Variants in SMARCA4 observed in about 807,000 individuals in gnomAD.
The protein encoded by SMARCA4 is SWI/SNF related BAF chromatin remodeling complex subunit ATPase 4.
Under a neutral mutation model 193.9 loss-of-function variants are expected in SMARCA4, and 31 were observed. The observed-to-expected ratio is 0.16, with a 90% CI of 0.12 to 0.22. SMARCA4 has a LOEUF of 0.22. SMARCA4 is among the 10% of genes least tolerant of loss of function. The pLI is 1.00. For synonymous variants in SMARCA4, 942 were observed against 933.1 expected, an observed-to-expected ratio of 1.01 and a Z score of -0.17; for missense variants, 1,148 against 2,296.0, an observed-to-expected ratio of 0.50 and a Z score of 10.22.
At chr19:10,965,271 T>C (rs1169034776) in intron 1 of SMARCA4, 2 of 152,118 alleles carry the variant, frequency 1.3e-5, no homozygotes, top group Non-Finnish European at 2.9e-5. Context: ...CACACCCCAC[T>C]CTTGACTTGC....
intron 1 of SMARCA4, among the ~76,000 whole-genome samples, chr19:10,963,628 G>A (rs1379898132): frequency 2.0e-5 from 3 of 152,080 alleles, no homozygotes; most frequent in Non-Finnish European, 4.4e-5. Flanking sequence ...CAAGCGAGGC[G>A]CTTAGCAGTA....
At chr19:11,010,678 C>A in intron 15 of SMARCA4, 147 bp downstream of exon 15, 1 of 800,190 alleles carries the variant, frequency 1.2e-6, no homozygotes, top group Non-Finnish European at 2.1e-6. Flanking sequence ...GCCTCGGTTT[C>A]CCCATGTGTA....
rs2075163712 is a variant in SMARCA4 at position 11,034,796 on chromosome 19, C to T, written c.3952-118C>T. 5.4e-6 allele frequency: 4 copies of T among 742,286 alleles called. No homozygotes were observed. In the Admixed American group the frequency reaches 8.0e-5, roughly 15 times the overall value. 46.0% of individuals were successfully genotyped at this position (742,286 alleles called of 1,614,324 possible). ...ATCGAGAGCTACTGTTTAACTCTCG[C>T]AGCAGCGTGGAGCCCCACGGGCAGA... is the stretch of plus-strand genomic sequence containing the variant. On this transcript the variant is annotated intron_variant, in intron 28 of 34. Transcript: ENST00000344626. This position sits in a 1 kb window ranked among gnomAD's most constrained non-coding sequence, Gnocchi z 7.0.
intron 23 of SMARCA4, among the ~76,000 whole-genome samples, chr19:11,026,905 C>A (rs913541661): frequency 6.6e-6 from 1 of 152,248 alleles, no homozygotes; most frequent in Non-Finnish European, 1.5e-5. Context: ...CGCCTCCAAG[C>A]TCTGTGACTC....
rs376185825 is a variant in SMARCA4 at position 11,014,391 on chromosome 19, CT to C, written c.2438+1280del. On this transcript the variant is annotated intron_variant, in intron 16 of 34. Coordinates refer to ENST00000344626, the MANE Select transcript of SMARCA4 (RefSeq NM_003072.5). Reference sequence around the variant, plus strand: ...TTTACTGTGGAACTGTTTCTTTCTTCTATCTCCCTGCTTCCTACGTGGCGGG... The same window carrying C: ...TTTACTGTGGAACTGTTTCTTTCTTCATCTCCCTGCTTCCTACGTGGCGGG... Among the ~76,000 whole-genome samples the C allele has an allele frequency of 4.6e-5, 7 of 152,356 alleles. No homozygotes were observed. In the South Asian group the frequency reaches 1.4e-3, roughly 32 times the overall value.
intron 23 of SMARCA4, chr19:11,027,583 C>T (rs765873335): frequency 3.4e-5 from 23 of 669,496 alleles, no homozygotes; most frequent in African/African-American, 7.1e-5. Context: ...GCCTCCCCAG[C>T]GAGGGTGGCC....
chr19:11,057,980 T>TA (rs1327242117), intron 30 of SMARCA4, among the ~76,000 whole-genome samples: 4 of 151,138 alleles, frequency 2.6e-5, no homozygotes, highest in South Asian at 2.1e-4. Flanking sequence ...TGCACGACTG[T>TA]AAAAAATCCC....
intron 11 of SMARCA4, among the ~76,000 whole-genome samples, chr19:10,997,489 C>T (rs994182088): frequency 6.6e-6 from 1 of 152,070 alleles, no homozygotes; most frequent in Non-Finnish European, 1.5e-5. Flanking sequence ...CCATGGCCAG[C>T]CAGTTTTTGT....
At chr19:11,037,592 CTT>C (rs2075340822) in intron 29 of SMARCA4, among the ~76,000 whole-genome samples, 1 of 152,212 alleles carries the variant, frequency 6.6e-6, no homozygotes, top group African/African-American at 2.4e-5. Flanking sequence ...TGCACATTCT[CTT>C]TTCGCTTCCG....
chr19:10,964,553 C>G (rs1416705366), intron 1 of SMARCA4, among the ~76,000 whole-genome samples: 1 of 151,772 alleles, frequency 6.6e-6, no homozygotes, highest in East Asian at 1.9e-4. Context: ...TCAACTGATC[C>G]ACCCACCTTG....
At chr19:10,969,029 C>T (rs1036542862) in intron 1 of SMARCA4, among the ~76,000 whole-genome samples, 1 of 152,168 alleles carries the variant, frequency 6.6e-6, no homozygotes, top group Non-Finnish European at 1.5e-5. Flanking sequence ...TCCTTTTGAT[C>T]CTCGGCCTGA....
Position 11,012,970 on chromosome 19 carries a change from G to A in SMARCA4, c.2296G>A (p.Val766Met), listed in dbSNP as rs2146277188. The A allele has an allele frequency of 1.2e-6, 2 of 1,614,152 alleles. No homozygotes were observed. The highest frequency in any genetic ancestry group is 1.7e-6 in the Non-Finnish European group (2 of 1,180,042). ...QYQIKGLEWLVSLYNNNLNGI... is the reference protein window; with the variant it reads ...QYQIKGLEWLMSLYNNNLNGI... Reference sequence around the variant, plus strand: ...GCAGATCAAAGGTTTGGAGTGGCTGGTGTCCCTGTACAACAACAACCTGAA... The same window carrying A: ...GCAGATCAAAGGTTTGGAGTGGCTGATGTCCCTGTACAACAACAACCTGAA... The change falls in exon 16 of 35, where the codon GTG (valine) becomes ATG (methionine). Residue 766 changes from valine to methionine, a missense_variant. By Grantham distance (21) the Val-to-Met change is conservative (BLOSUM62 1). This residue lies in a region of SMARCA4 where 2 missense variants were observed against 44.6 expected (regional missense o/e 0.04). Transcript: ENST00000344626.
At chr19:10,995,215 C>T in intron 9 of SMARCA4, 1 of 676,150 alleles carries the variant, frequency 1.5e-6, no homozygotes, top group Non-Finnish European at 2.7e-6. Context: ...TGACCTCAGG[C>T]CACTTAGCCG....
chr19:11,029,181 C>T (rs2090467702), intron 24 of SMARCA4, among the ~76,000 whole-genome samples: 1 of 152,196 alleles, frequency 6.6e-6, no homozygotes, highest in Non-Finnish European at 1.5e-5. Context: ...CTTCAGGGTC[C>T]TCATGGCCGG....
chr19:11,003,418 T>A, intron 13 of SMARCA4, 21 bp downstream of exon 13: 1 of 1,609,076 alleles, frequency 6.2e-7, no homozygotes, highest in Non-Finnish European at 8.5e-7. Flanking sequence ...ATTTCCTGGC[T>A]TTCAAGGCTC....
At position 11,033,484 on chromosome 19, in the gene SMARCA4, G is replaced by A. The variant is rs1290701081; in HGVS notation, c.3741G>A (p.Leu1247=). Residue 1247 remains leucine (L), a synonymous_variant, in exon 26 of 35, where the codon CTG becomes CTA. Transcript: ENST00000344626. This position sits in a 1 kb window ranked among gnomAD's most constrained non-coding sequence, Gnocchi z 9.8. ...KSSSHERRAF[L]QAILEHEEQD... ...CCAGCCATGAGCGGCGCGCCTTCCT[G>A]CAGGCCATCCTGGAGCACGAGGAGC... 6 of 1,613,270 alleles carry A rather than the reference G, an allele frequency of 3.7e-6. No individual in the cohort carries two copies. The highest frequency in any genetic ancestry group is 4.2e-6 in the Non-Finnish European group (5 of 1,179,962).
rs779211685 is a variant in SMARCA4, at chr19:11,059,896, G to C, written c.4768+11G>C. 6.2e-7 allele frequency: 1 copy of C among 1,613,766 alleles called. No homozygotes were observed. Among genetic ancestry groups the C allele is most frequent in the Non-Finnish European group, 8.5e-7 (1 of 1,179,994 alleles). On this transcript the variant is annotated intron_variant, in intron 33 of 34. Transcript: ENST00000344626. ...GCTCCGAATCCGAATGTGAGTCCCG[G>C]GGGGGTTCAGGACGCCGGGGTTCAC... is the stretch of plus-strand genomic sequence containing the variant.
At position 10,984,357 on chromosome 19, in the gene SMARCA4, T is replaced by C. The variant is rs1443052655; in HGVS notation, c.206T>C (p.Met69Thr). 2.5e-6 allele frequency: 4 copies of C among 1,589,378 alleles called. No homozygotes were observed. The highest frequency in any genetic ancestry group is 1.3e-5 in the African/African-American group (1 of 74,234). The change falls in exon 2 of 35, where the codon ATG becomes ACG. Residue 69 changes from methionine (M) to threonine (T), a missense_variant. By Grantham distance (81) the Met-to-Thr change is moderately conservative. Coordinates refer to ENST00000344626, the MANE Select transcript of SMARCA4 (RefSeq NM_003072.5). This position sits in a 1 kb window ranked among gnomAD's most constrained non-coding sequence, Gnocchi z 4.3. ...CCTGGAGGGTACCCTCAGGACAACA[T>C]GCACCAGATGCACAAGGTAGGGATC... ...QGPGGYPQDN[M>T]HQMHKPMESM...
intron 21 of SMARCA4, 74 bp downstream of exon 21, chr19:11,024,512 CGTGCTCTGACCATCGGGTCATGATCTG>C: frequency 2.2e-6 from 2 of 926,666 alleles, no homozygotes; most frequent in Non-Finnish European, 3.5e-6. Context: ...CAGAGCAGAG[CGTGCTCTGACCATCGGGTCATGATCTG>C]GTCATGATCC....
Sources: gnomAD v4.1 joint callset for allele counts (sites outside exome capture counted in the v4.1 genomes callset) on GRCh38, gnomAD v4.1.1 for gene constraint, gnomAD v4.1.1 regional missense constraint, Gnocchi (gnomAD v3.1) non-coding constraint, MANE v1.5 for transcripts, NCBI Gene and HGNC (gene_info 2026-07-23, HGNC 2026-07-21) for gene names.